The following TSHZ1 variants were observed in gnomAD, a reference collection of about 807,000 sequenced individuals.
TSHZ1 encodes the protein teashirt zinc finger homeobox 1.
In TSHZ1, 12 loss-of-function variants were observed where a neutral mutation model predicts 67.1. The observed-to-expected ratio is 0.18, with a 90% CI of 0.11 to 0.29. The LOEUF (loss-of-function observed/expected upper bound fraction) is 0.29. Among genes scored for constraint, TSHZ1 ranks in the 10% least tolerant of loss-of-function variants. TSHZ1 has a pLI of 1.00. For synonymous variants in TSHZ1, 632 were observed against 622.4 expected (o/e 1.02, Z -0.23); for missense variants, 1,305 against 1,413.9 (o/e 0.92, Z 1.23).
Position 75,285,872 on chromosome 18 carries a change from C to A in TSHZ1, c.465C>A (p.Ala155=). Residue 155 remains alanine (A), a synonymous_variant, in exon 2 of 2, where the codon GCC becomes GCA. Coordinates refer to ENST00000580243, the MANE Select transcript of TSHZ1 (RefSeq NM_001308210.2). ...ATGCCAGCCAGAAGGAGAGCTCCGC[C>A]CCCACCCCCACACCCCCCACCTGCC... ...TNDASQKESS[A]PTPTPPTCPV... is the part of the protein sequence containing the mutation. 2 of 1,560,392 alleles carry A rather than the reference C, an allele frequency of 1.3e-6. No homozygotes were observed. The highest frequency in any genetic ancestry group is 1.7e-6 in the Non-Finnish European group (2 of 1,148,320).
chr18:75,272,767 C>T (rs1276126464), intron 1 of TSHZ1, among the ~76,000 whole-genome samples: 1 of 152,150 alleles, frequency 6.6e-6, no homozygotes, highest in East Asian at 1.9e-4. Context: ...GTGGGTTGTT[C>T]AACATATTTT....
At chr18:75,256,688 C>T (rs1253439075) in intron 1 of TSHZ1, among the ~76,000 whole-genome samples, 1 of 152,102 alleles carries the variant, frequency 6.6e-6, no homozygotes, top group Non-Finnish European at 1.5e-5. Context: ...AATCTCATTT[C>T]TTCTTTAAAT....
At chr18:75,280,194 T>C (rs1191621517) in intron 1 of TSHZ1, among the ~76,000 whole-genome samples, 4 of 152,252 alleles carry the variant, frequency 2.6e-5, no homozygotes, top group Non-Finnish European at 5.9e-5. Flanking sequence ...TACTCCTTAT[T>C]GTTGAAGATT....
At chr18:75,264,666 T>C (rs2023469792) in intron 1 of TSHZ1, among the ~76,000 whole-genome samples, 1 of 152,164 alleles carries the variant, frequency 6.6e-6, no homozygotes, top group Non-Finnish European at 1.5e-5. Flanking sequence ...CTGGGCCAAC[T>C]GAAGGCCAGC....
chr18:75,226,025 TAGC>T (rs2022920659), intron 1 of TSHZ1, among the ~76,000 whole-genome samples: 1 of 152,146 alleles, frequency 6.6e-6, no homozygotes, highest in Non-Finnish European at 1.5e-5. Flanking sequence ...AAAATCCCCT[TAGC>T]AGGCATCAGA....
rs377076476 is a variant in TSHZ1, at chr18:75,285,981, A to T, written c.574A>T (p.Ser192Cys). The change falls in exon 2 of 2, where the codon AGC becomes TGC. Residue 192 changes from serine (S) to cysteine (C), a missense_variant. Transcript: ENST00000580243. ...CAGCCACAGCAGTACCACCAGTACC[A>T]GCAGCAGCTCCGGGTACGACTGGCA... ...STSHSSTTST[S>C]SSSGYDWHQA... 1 of 1,597,362 alleles carries T rather than the reference A, an allele frequency of 6.3e-7. No homozygotes were observed. Among genetic ancestry groups the T allele is most frequent in the Non-Finnish European group, 8.5e-7 (1 of 1,172,966 alleles).
chr18:75,247,779 CCTT>C (rs749521046), intron 1 of TSHZ1, among the ~76,000 whole-genome samples: 2 of 151,938 alleles, frequency 1.3e-5, no homozygotes, highest in Non-Finnish European at 1.5e-5. Context: ...ACAGCTTTGT[CCTT>C]CTTTTGAAGT....
At chr18:75,270,249 C>T (rs372492521) in intron 1 of TSHZ1, among the ~76,000 whole-genome samples, 1 of 152,180 alleles carries the variant, frequency 6.6e-6, no homozygotes, top group African/African-American at 2.4e-5. Context: ...CTCTGTGCCT[C>T]AGTTTCCTCA....
intron 1 of TSHZ1, among the ~76,000 whole-genome samples, chr18:75,282,154 T>C (rs900968835): frequency 6.6e-6 from 1 of 152,158 alleles, no homozygotes; most frequent in African/African-American, 2.4e-5. Flanking sequence ...GGCGATGAGA[T>C]ACATTGTAGC....
chr18:75,259,485 C>T (rs28412738), intron 1 of TSHZ1, among the ~76,000 whole-genome samples: 1,747 of 152,222 alleles, frequency 0.011, 18 homozygotes, highest in Middle Eastern at 0.054. Context: ...CCCCTTTGCC[C>T]GGCATATCCA....
chr18:75,222,298 T>C (rs1353359498), intron 1 of TSHZ1, among the ~76,000 whole-genome samples: 2 of 152,036 alleles, frequency 1.3e-5, no homozygotes, highest in Non-Finnish European at 2.9e-5. Flanking sequence ...GAATTTATTT[T>C]AGAAAAAGGA....
intron 1 of TSHZ1, among the ~76,000 whole-genome samples, chr18:75,264,475 C>T (rs2023466907): frequency 7.6e-6 from 1 of 131,538 alleles, no homozygotes; most frequent in African/African-American, 2.9e-5. Flanking sequence ...GGAACTATTA[C>T]ACTGACAGAT....
chr18:75,216,983 G>T (rs9954935), intron 1 of TSHZ1, among the ~76,000 whole-genome samples: 4 of 152,340 alleles, frequency 2.6e-5, no homozygotes, highest in African/African-American at 7.2e-5. Context: ...GCCCTGTGCC[G>T]CCTGATCATG....
At chr18:75,269,504 GT>G (rs2023532222) in intron 1 of TSHZ1, among the ~76,000 whole-genome samples, 2 of 152,194 alleles carry the variant, frequency 1.3e-5, no homozygotes, top group African/African-American at 4.8e-5. Context: ...AGGCTGGCAG[GT>G]GGCAATGCTG....
chr18:75,286,014 G>A lies in TSHZ1; in HGVS notation c.607G>A (p.Ala203Thr), dbSNP rs2023754792. 7 of 1,610,232 alleles carry A rather than the reference G, an allele frequency of 4.3e-6. No homozygotes were observed. The highest frequency in any genetic ancestry group is 5.9e-6 in the Non-Finnish European group (7 of 1,178,750). The change falls in exon 2 of 2, where the codon GCA (alanine) becomes ACA (threonine). Residue 203 changes from alanine (A) to threonine (T), a missense_variant. Transcript: ENST00000580243. The surrounding 1 kb of genome is among the most constrained non-coding windows in gnomAD (Gnocchi z 5.1). ...CTCCGGGTACGACTGGCACCAGGCT[G>A]CACTGGCCAAGACGCTGCAGCAGAC... ...SSSGYDWHQA[A>T]LAKTLQQTSS...
At position 75,211,853 on chromosome 18, in the gene TSHZ1, C is replaced by T. The variant is rs1461072685; in HGVS notation, c.-24C>T. 2.6e-6 allele frequency: 3 copies of T among 1,162,354 alleles called. No individual in the cohort carries two copies. Among genetic ancestry groups the T allele is most frequent in the Non-Finnish European group, 3.2e-6 (3 of 943,804 alleles). The allele number at this position is 1,162,354 out of a possible 1,614,324, so 72.0% of individuals were successfully genotyped here. A position where few individuals can be genotyped will look rare whatever the true frequency, so the allele number is the denominator to read the frequency against. On this transcript the variant is annotated 5_prime_UTR_variant, in exon 1 of 2. Transcript: ENST00000580243. The stretch of plus-strand genomic sequence containing the variant: ...CCGCGAACTCCGGCGGCGGCTGAGG[C>T]GACGGCTGCGGCGGCCGAGCAGCAT...
intron 1 of TSHZ1, among the ~76,000 whole-genome samples, chr18:75,262,695 CCA>C (rs1161776241): frequency 6.6e-6 from 1 of 152,204 alleles, no homozygotes; most frequent in African/African-American, 2.4e-5. Flanking sequence ...TTTCCAAGTG[CCA>C]CACAGTCTCT....
Position 75,211,822 on chromosome 18 carries a change from C to G in TSHZ1, c.-55C>G. The G allele has an allele frequency of 9.2e-7, 1 of 1,085,646 alleles. No individual in the cohort carries two copies. The highest frequency in any genetic ancestry group is 1.1e-6 in the Non-Finnish European group (1 of 895,378). The allele number at this position is 1,085,646 out of a possible 1,614,324, so 67.3% of individuals were successfully genotyped here. ...GCCCGCGCCCGGGGCCCCGCGTCCC[C>G]GCGCCCCGCGAACTCCGGCGGCGGC... On this transcript the variant is annotated 5_prime_UTR_variant, in exon 1 of 2. Transcript: ENST00000580243.
Position 75,287,224 on chromosome 18 carries a change from C to T in TSHZ1, c.1817C>T (p.Ala606Val), listed in dbSNP as rs746420194. 3 of 1,613,886 alleles carry T rather than the reference C, an allele frequency of 1.9e-6. No homozygotes were observed. The highest frequency in any genetic ancestry group is 2.2e-5 in the South Asian group (2 of 91,064). ...VQSVQVQPSYAGGVKSLSSAE... is the reference protein window; with the variant it reads ...VQSVQVQPSYVGGVKSLSSAE... ...AGCGTGCAGGTGCAGCCGTCCTATG[C>T]TGGCGGCGTGAAGTCGCTGTCTTCC... Residue 606 changes from alanine (A) to valine (V), a missense_variant, in exon 2 of 2, where the codon GCT (alanine) becomes GTT (valine). By Grantham distance (64) the Ala-to-Val change is moderately conservative (BLOSUM62 0). Transcript: ENST00000580243. The surrounding 1 kb of genome is among the most constrained non-coding windows in gnomAD (Gnocchi z 5.0).
Sources: allele counts gnomAD v4.1 joint callset (sites outside exome capture counted in the v4.1 genomes callset), GRCh38; gene constraint gnomAD v4.1.1; non-coding constraint Gnocchi (gnomAD v3.1); transcripts MANE v1.5; gene names NCBI Gene and HGNC (gene_info 2026-07-23, HGNC 2026-07-21).